The following ABCC9 variants were observed in gnomAD, a reference collection of about 807,000 sequenced individuals.
The protein encoded by ABCC9 is ATP-binding cassette sub-family C member 9.
ABCC9 carries 95 observed loss-of-function variants against 188.3 expected under a neutral mutation model. The observed-to-expected ratio is 0.50, with a 90% CI of 0.43 to 0.60. ABCC9 has a LOEUF of 0.60. Among genes scored for constraint, ABCC9 ranks in the 20% least tolerant of loss-of-function variants. ABCC9 has a pLI of 0.00. For synonymous variants in ABCC9, 659 were observed against 652.7 expected (o/e 1.01, Z -0.15); for missense variants, 1,102 against 1,876.3 (o/e 0.59, Z 7.62).
intron 4 of ABCC9, among the ~76,000 whole-genome samples, chr12:21,931,900 A>G (rs1949303583): frequency 6.6e-6 from 1 of 152,162 alleles, no homozygotes; most frequent in Non-Finnish European, 1.5e-5. Flanking sequence ...TTTATCAGAA[A>G]TTAAGACATG....
intron 2 of ABCC9, among the ~76,000 whole-genome samples, 198 bp downstream of exon 2, chr12:21,940,512 G>T (rs529589011): frequency 2.6e-5 from 4 of 152,112 alleles, no homozygotes; most frequent in Admixed American, 2.6e-4. Context: ...GATCCAAGTG[G>T]GAAAATCACT....
Position 21,895,260 on chromosome 12 carries a change from G to GAAA in ABCC9, c.1659+12_1659+14dup, listed in dbSNP as rs1251493509. ...GACTTGGTTTCATTTCTAAAAGAGA[G>GAAA]AAAAAGTGTCTTACAGCAAGAACAG... On this transcript the variant is annotated intron_variant, in intron 13 of 39. Transcript: ENST00000261200. 5 of 1,610,086 alleles carry GAAA rather than the reference G, an allele frequency of 3.1e-6. No individual in the cohort carries two copies. The African/African-American group carries it at 6.7e-5, about 22-fold the overall frequency.
intron 30 of ABCC9, among the ~76,000 whole-genome samples, chr12:21,832,174 A>G (rs962014153): frequency 2.0e-5 from 3 of 152,202 alleles, no homozygotes; most frequent in African/African-American, 7.2e-5. Context: ...CTGTCAGACA[A>G]GAAAAAAATA....
intron 29 of ABCC9, among the ~76,000 whole-genome samples, chr12:21,842,071 A>G (rs766914474): frequency 2.6e-5 from 4 of 152,200 alleles, no homozygotes; most frequent in Non-Finnish European, 5.9e-5. Context: ...ATCATCCCAT[A>G]TACTTTAAAT....
Position 21,823,644 on chromosome 12 carries a change from G to A in ABCC9, c.3669+5314C>T, listed in dbSNP as rs1943183501. ...TCCTTCCACCACACAGCAAGACAAA[G>A]CCTTGGAAAGACAGCCTTTAGATAA... On this transcript the variant is annotated intron_variant, in intron 31 of 39. Transcript: ENST00000261200. Among the ~76,000 whole-genome samples the A allele has an allele frequency of 2.6e-5, 4 of 152,198 alleles. No homozygotes were observed. In the South Asian group the frequency reaches 6.2e-4, roughly 24 times the overall value.
At chr12:21,847,310 A>C (rs928874007) in intron 25 of ABCC9, among the ~76,000 whole-genome samples, 2 of 152,176 alleles carry the variant, frequency 1.3e-5, no homozygotes, top group African/African-American at 4.8e-5. Flanking sequence ...ACAGCACCAA[A>C]AATTCTTTAA....
At chr12:21,807,274 AAAT>A in intron 38 of ABCC9, 69 bp downstream of exon 38, 1 of 1,603,584 alleles carries the variant, frequency 6.2e-7, no homozygotes, top group Non-Finnish European at 8.5e-7. Context: ...CCCAATCAGG[AAAT>A]AATAAATTGT....
intron 5 of ABCC9, among the ~76,000 whole-genome samples, chr12:21,921,420 G>A (rs1948815110): frequency 6.6e-6 from 1 of 151,800 alleles, no homozygotes; most frequent in South Asian, 2.1e-4. Context: ...TGGATTATTA[G>A]TTATTTTTTT....
intron 2 of ABCC9, among the ~76,000 whole-genome samples, 174 bp from the exon 3 acceptor site, chr12:21,936,868 G>A (rs976954671): frequency 5.9e-5 from 9 of 152,006 alleles, no homozygotes; most frequent in African/African-American, 9.7e-5. Flanking sequence ...TATAAAATAC[G>A]TCCTATGAGA....
chr12:21,894,235 C>G, intron 13 of ABCC9, 61 bp from the exon 14 acceptor site: 1 of 1,580,610 alleles, frequency 6.3e-7, no homozygotes, highest in Non-Finnish European at 8.7e-7. Flanking sequence ...TGCGTACATT[C>G]AGTCCTAGAA....
intron 4 of ABCC9, among the ~76,000 whole-genome samples, chr12:21,926,851 G>A (rs1381138293): frequency 6.6e-6 from 1 of 152,240 alleles, no homozygotes; most frequent in East Asian, 1.9e-4. Context: ...AGGTGACCCA[G>A]TGATTCCAGA....
In ABCC9 at chr12:21,915,514, A is replaced by ATATATATTTTTTTTTTTTTTTTTTTT; in HGVS notation, c.816+153_816+154insAAAAAAAAAAAAAAAAAAAATATATA. ...TGTGTGTGTGTGTATATATATATAT[A>ATATATATTTTTTTTTTTTTTTTTTTT]TTTTTTTTTTTTTTTTGAGACAGAG... is the stretch of plus-strand genomic sequence containing the variant. On this transcript the variant is annotated intron_variant, in intron 7 of 39. Coordinates refer to ENST00000261200, the MANE Select transcript of ABCC9 (RefSeq NM_020297.4). Among the ~76,000 whole-genome samples the ATATATATTTTTTTTTTTTTTTTTTTT allele has an allele frequency of 5.7e-4, 2 of 3,522 alleles. 1 individual carries two copies. Among genetic ancestry groups the ATATATATTTTTTTTTTTTTTTTTTTT allele is most frequent in the Non-Finnish European group, 9.3e-4 (2 of 2,144 alleles). 2.3% of individuals were successfully genotyped at this position (3,522 alleles called of 152,430 possible). A position where few individuals can be genotyped will look rare whatever the true frequency, so the allele number is the denominator to read the frequency against.
intron 18 of ABCC9, among the ~76,000 whole-genome samples, chr12:21,865,134 T>A (rs1945717594): frequency 6.6e-6 from 1 of 152,108 alleles, no homozygotes; most frequent in Non-Finnish European, 1.5e-5. Flanking sequence ...TTTTTATAAT[T>A]TAGGGTCAGT....
intron 5 of ABCC9, chr12:21,925,446 T>C: frequency 2.9e-6 from 2 of 699,884 alleles, no homozygotes; most frequent in Non-Finnish European, 5.2e-6. Flanking sequence ...GCTAGAAACA[T>C]ACTCTGCTAC....
chr12:21,871,490 C>G (rs928523829), intron 18 of ABCC9, among the ~76,000 whole-genome samples: 1 of 152,116 alleles, frequency 6.6e-6, no homozygotes, highest in Non-Finnish European at 1.5e-5. Context: ...ATTTCACAAC[C>G]AAGAATTTTT....
chr12:21,934,039 T>G, intron 3 of ABCC9, 116 bp from the exon 4 acceptor site: 1 of 966,600 alleles, frequency 1.0e-6, no homozygotes, highest in Non-Finnish European at 1.6e-6. Flanking sequence ...CCTGAAACCT[T>G]AAAACTTTCT....
intron 12 of ABCC9, among the ~76,000 whole-genome samples, chr12:21,898,501 A>C (rs986218854): frequency 6.6e-6 from 1 of 152,226 alleles, no homozygotes; most frequent in Non-Finnish European, 1.5e-5. Context: ...CTAATGTATC[A>C]AGCATTAGGG....
intron 12 of ABCC9, among the ~76,000 whole-genome samples, chr12:21,904,236 T>A (rs1020613892): frequency 1.3e-5 from 2 of 152,220 alleles, no homozygotes; most frequent in African/African-American, 2.4e-5. Flanking sequence ...TGTAGAAAGC[T>A]GAAACTGGAT....
At chr12:21,920,237 C>T (rs1266920147) in intron 5 of ABCC9, among the ~76,000 whole-genome samples, 2 of 151,014 alleles carry the variant, frequency 1.3e-5, no homozygotes, top group East Asian at 1.9e-4. Context: ...TTAGCTACAG[C>T]AATAAGACAA....
Sources: gnomAD v4.1 joint callset for allele counts (sites outside exome capture counted in the v4.1 genomes callset) on GRCh38, gnomAD v4.1.1 for gene constraint, MANE v1.5 for transcripts, NCBI Gene and HGNC (gene_info 2026-07-23, HGNC 2026-07-21) for gene names.